Variants in KRT72 observed in about 807,000 individuals in gnomAD.
The protein encoded by KRT72 is keratin, type II cytoskeletal 72.
KRT72 carries 44 observed loss-of-function variants against 44.7 expected under a neutral mutation model. That is an observed-to-expected ratio of 0.98 (90% CI 0.77 to 1.27). The LOEUF is 1.27. Ranked by LOEUF, KRT72 falls within the 50% of genes most tolerant of loss-of-function variation. The probability of loss-of-function intolerance (pLI) is 0.00; values close to 1 mark genes in which losing one functional copy is unlikely to be tolerated. For synonymous variants in KRT72, 302 were observed against 280.4 expected, an observed-to-expected ratio of 1.08 and a Z score of -0.77; for missense variants, 736 against 667.1, an observed-to-expected ratio of 1.10 and a Z score of -1.14.
intron 2 of KRT72, among the ~76,000 whole-genome samples, chr12:52,595,986 T>C (rs1265825315): frequency 7.0e-6 from 1 of 143,570 alleles, no homozygotes; most frequent in Non-Finnish European, 1.5e-5. Context: ...TGATCTTTAA[T>C]GGTGAGTCAT....
intron 2 of KRT72, among the ~76,000 whole-genome samples, chr12:52,594,614 G>C (rs565886861): frequency 1.3e-5 from 2 of 149,648 alleles, no homozygotes; most frequent in South Asian, 4.4e-4. Flanking sequence ...GTTGTGGGGT[G>C]GGGGGAGGGA....
upstream of KRT72, chr12:52,601,515 C>T: frequency 6.7e-7 from 1 of 1,482,394 alleles, no homozygotes; most frequent in Non-Finnish European, 9.0e-7. Flanking sequence ...CCGCTGCGTT[C>T]TCGGCCCAGC....
chr12:52,591,446 C>G lies in KRT72; in HGVS notation c.963+18G>C, dbSNP rs776259950. 2 of 1,610,598 alleles carry G rather than the reference C, an allele frequency of 1.2e-6. No homozygotes were observed. Among genetic ancestry groups the G allele is most frequent in the Non-Finnish European group, 1.7e-6 (2 of 1,177,476 alleles). On this transcript the variant is annotated intron_variant, in intron 5 of 8. Coordinates refer to ENST00000293745, the MANE Select transcript of KRT72 (RefSeq NM_080747.3). ...TAGCTGTGGCCAGTGGGACTCAGCA[C>G]ACCTGGCACCAGCTCACCTTGGTCT...
At position 52,601,141 on chromosome 12, in the gene KRT72, C is replaced by T; in HGVS notation, c.312G>A (p.Lys104=). Residue 104 remains lysine, a synonymous_variant, in exon 1 of 9, where the codon AAG becomes AAA. Transcript: ENST00000293745. ...PGGIPQVTVN[K]SLLAPLNVEM... is the part of the protein sequence containing the mutation. ...CCACGTTGAGCGGGGCCAGGAGGCT[C>T]TTGTTGACGGTGACCTGAGGGATGC... 3.1e-6 allele frequency: 5 copies of T among 1,613,704 alleles called. No individual in the cohort carries two copies. Among genetic ancestry groups the T allele is most frequent in the Non-Finnish European group, 4.2e-6 (5 of 1,179,826 alleles).
Position 52,590,781 on chromosome 12 carries a change from G to A in KRT72, c.1089+55C>T. 2.0e-6 allele frequency: 3 copies of A among 1,504,126 alleles called. No homozygotes were observed. The South Asian group carries it at 4.1e-5, about 21-fold the overall frequency. 93.2% of individuals were successfully genotyped at this position (1,504,126 alleles called of 1,614,324 possible). On this transcript the variant is annotated intron_variant, in intron 6 of 8. Coordinates refer to ENST00000293745, the MANE Select transcript of KRT72 (RefSeq NM_080747.3). ...TTTACCCTTTCTTCATATTCTGTCT[G>A]GCCCAGATTGTGACTCAATAAATAC...
chr12:52,589,358 C>T (rs1939905981), intron 6 of KRT72, among the ~76,000 whole-genome samples: 1 of 152,158 alleles, frequency 6.6e-6, no homozygotes. Context: ...ATGCCTAGGA[C>T]CCAGCCTTCT....
intron 2 of KRT72, among the ~76,000 whole-genome samples, chr12:52,593,755 C>T (rs997388795): frequency 6.6e-6 from 1 of 152,062 alleles, no homozygotes; most frequent in Non-Finnish European, 1.5e-5. Context: ...GTGAAAGAAG[C>T]CAATCACAAA....
chr12:52,602,045 A>G (rs1940490331), upstream of KRT72, among the ~76,000 whole-genome samples: 1 of 152,226 alleles, frequency 6.6e-6, no homozygotes, highest in South Asian at 2.1e-4. Context: ...GAGACCTCTC[A>G]GTCTGTTGGA....
rs765512861 is a variant in KRT72 at position 52,590,883 on chromosome 12, G to T, written c.1042C>A (p.Arg348Ser). The change falls in exon 6 of 9, where the codon CGC becomes AGC. Residue 348 changes from arginine to serine, a missense_variant. Coordinates refer to ENST00000293745, the MANE Select transcript of KRT72 (RefSeq NM_080747.3). ...LTKAEISELNRLIQRIRSEIG... is the reference protein window; with the variant it reads ...LTKAEISELNSLIQRIRSEIG... ...TCTGAGCGGATCCTCTGGATCAGGCGGTTGAGCTCAGAGATTTCAGCCTTG... is the reference window on the plus strand; with the variant it reads ...TCTGAGCGGATCCTCTGGATCAGGCTGTTGAGCTCAGAGATTTCAGCCTTG... 3 of 1,605,136 alleles carry T rather than the reference G, an allele frequency of 1.9e-6. No individual in the cohort carries two copies. Among genetic ancestry groups the T allele is most frequent in the Non-Finnish European group, 1.7e-6 (2 of 1,173,330 alleles).
At chr12:52,586,203 C>T (rs762192328) in intron 8 of KRT72, 31 bp from the exon 9 acceptor site, 45 of 1,594,436 alleles carry the variant, frequency 2.8e-5, no homozygotes, top group South Asian at 5.6e-5. Flanking sequence ...CCTCAGCCCC[C>T]GTCAGCTCTA....
rs575415931 is a variant in KRT72, at chr12:52,600,915, G to A, written c.426+112C>T. ...CCCATTTTACAAATGGAAAAGGGAG[G>A]CTCGGAGAGGTTATGACCCGCCCAC... On this transcript the variant is annotated intron_variant, in intron 1 of 8. Coordinates refer to ENST00000293745, the MANE Select transcript of KRT72 (RefSeq NM_080747.3). 56 of 1,124,728 alleles carry A rather than the reference G, an allele frequency of 5.0e-5. No homozygotes were observed. The Admixed American group carries it at 1.0e-3, about 21-fold the overall frequency. The allele number at this position is 1,124,728 out of a possible 1,614,324, so 69.7% of individuals were successfully genotyped here.
Position 52,592,454 on chromosome 12 carries a change from T to C in KRT72, c.740A>G (p.Gln247Arg), listed in dbSNP as rs1029624372. The C allele has an allele frequency of 3.1e-6, 5 of 1,614,002 alleles. No homozygotes were observed. Among genetic ancestry groups the C allele is most frequent in the East Asian group, 2.2e-5 (1 of 44,890 alleles). Reference protein sequence around the residue: ...DAAYMNKVELQAKVDSLTDEI... With the variant: ...DAAYMNKVELRAKVDSLTDEI... ...ATCTGTCAAGGAGTCCACCTTGGCC[T>C]GGAGCTCAACCTTATTCATGTAAGC... The change falls in exon 4 of 9, where the codon CAG becomes CGG. Residue 247 changes from glutamine (Q) to arginine (R), a missense_variant. Transcript: ENST00000293745.
rs187644223 is a variant in KRT72, at chr12:52,599,699, C to G, written c.427-587G>C. Among the ~76,000 whole-genome samples, 17 of 152,296 alleles carry G rather than the reference C, an allele frequency of 1.1e-4. No individual in the cohort carries two copies. In the East Asian group the frequency reaches 2.9e-3, roughly 26 times the overall value. On this transcript the variant is annotated intron_variant, in intron 1 of 8. Transcript: ENST00000293745. ...CAGAAGGAAACATGCTAGGGAACAACAGACATAAAAGAGCAAGAGAATGCT... is the reference window on the plus strand; with the variant it reads ...CAGAAGGAAACATGCTAGGGAACAAGAGACATAAAAGAGCAAGAGAATGCT...
At chr12:52,597,528 G>A (rs1940263945) in intron 2 of KRT72, among the ~76,000 whole-genome samples, 1 of 152,278 alleles carries the variant, frequency 6.6e-6, no homozygotes, top group Middle Eastern at 3.4e-3. Flanking sequence ...TAAACACTGT[G>A]CTAAATTCTT....
chr12:52,593,831 G>A (rs1363890049), intron 2 of KRT72, among the ~76,000 whole-genome samples: 7 of 152,186 alleles, frequency 4.6e-5, no homozygotes, highest in Non-Finnish European at 4.4e-5. Context: ...GTCTAAGTCA[G>A]AGACAGAAAG....
chr12:52,586,227 G>A (rs771239352), intron 8 of KRT72, 55 bp from the exon 9 acceptor site: 2 of 1,508,614 alleles, frequency 1.3e-6, no homozygotes. Context: ...CCACGTCAGA[G>A]CCCCTTCTTG....
intron 5 of KRT72, 78 bp from the exon 6 acceptor site, chr12:52,591,039 AG>A (rs1231221600): frequency 8.0e-6 from 11 of 1,372,804 alleles, no homozygotes; most frequent in Non-Finnish European, 1.1e-5. Flanking sequence ...CTGGACAGAA[AG>A]GATCCTGCCC....
chr12:52,588,663 C>T (rs1273193819), intron 6 of KRT72, among the ~76,000 whole-genome samples: 3 of 152,020 alleles, frequency 2.0e-5, no homozygotes, highest in Non-Finnish European at 4.4e-5. Flanking sequence ...GTACATGTAC[C>T]CTAGAACTTA....
chr12:52,601,425 G>A lies in KRT72; in HGVS notation c.28C>T (p.Arg10Cys). The A allele has an allele frequency of 1.3e-6, 2 of 1,538,896 alleles. No homozygotes were observed. The highest frequency in any genetic ancestry group is 1.2e-5 in the South Asian group (1 of 84,056). MSRQLTHFP[R>C]GERLGFSGCS... ...CCGCTGAAGCCCAGGCGCTCCCCGCGGGGGAAATGGGTCAGTTGGCGGCTC... is the reference window on the plus strand; with the variant it reads ...CCGCTGAAGCCCAGGCGCTCCCCGCAGGGGAAATGGGTCAGTTGGCGGCTC... The change falls in exon 1 of 9, where the codon CGC becomes TGC. Residue 10 changes from arginine to cysteine, a missense_variant. Arg to Cys is a radical substitution (Grantham distance 180, BLOSUM62 -3). Transcript: ENST00000293745.
Sources: allele counts gnomAD v4.1 joint callset (sites outside exome capture counted in the v4.1 genomes callset), GRCh38; gene constraint gnomAD v4.1.1; transcripts MANE v1.5; gene names NCBI Gene and HGNC (gene_info 2026-07-23, HGNC 2026-07-21).